Variants in ADGRA3 observed in about 807,000 individuals in gnomAD.
ADGRA3 encodes the protein adhesion G protein-coupled receptor A3.
Under a neutral mutation model 119.8 loss-of-function variants are expected in ADGRA3, and 56 were observed. The observed-to-expected ratio is 0.47, with a 90% CI of 0.38 to 0.58. ADGRA3 has a LOEUF of 0.58. Ranked by LOEUF, ADGRA3 falls within the 20% of genes least tolerant of loss-of-function variation. The pLI is 0.00. For synonymous variants in ADGRA3, 607 were observed against 623.8 expected (o/e 0.97, Z 0.40); for missense variants, 1,516 against 1,649.0 (o/e 0.92, Z 1.40).
At chr4:22,513,392 G>A (rs1338009636) in intron 1 of ADGRA3, among the ~76,000 whole-genome samples, 1 of 151,930 alleles carries the variant, frequency 6.6e-6, no homozygotes, top group Non-Finnish European at 1.5e-5. Flanking sequence ...CTGACCTCAG[G>A]TGATCCACCC....
At chr4:22,510,586 T>C (rs981462507) in intron 1 of ADGRA3, among the ~76,000 whole-genome samples, 2 of 152,020 alleles carry the variant, frequency 1.3e-5, no homozygotes, top group East Asian at 1.9e-4. Flanking sequence ...AAATACCACA[T>C]ACGGGCCGGG....
At chr4:22,430,784 TC>T (rs1027738151) in intron 10 of ADGRA3, among the ~76,000 whole-genome samples, 2 of 114,994 alleles carry the variant, frequency 1.7e-5, no homozygotes, top group African/African-American at 3.0e-5. Flanking sequence ...TCAGAGGTCT[TC>T]ACCGCAGCCC....
At chr4:22,491,281 T>C (rs925179419) in intron 1 of ADGRA3, among the ~76,000 whole-genome samples, 15 of 152,178 alleles carry the variant, frequency 9.9e-5, no homozygotes, top group African/African-American at 3.6e-4. Flanking sequence ...GGCAAATACT[T>C]TGGGCTTTGC....
rs145769392 is a variant in ADGRA3, at chr4:22,480,582, A to G, written c.258-6739T>C. 2.3e-4 allele frequency among the ~76,000 whole-genome samples: 35 copies of G among 152,274 alleles called. 1 individual carries two copies. In the East Asian group the frequency reaches 6.0e-3, roughly 26 times the overall value. ...GTAAAAGTATAAACATATATACACT[A>G]TTTCATCCATTTATTCCTCTTCTAA... On this transcript the variant is annotated intron_variant, in intron 1 of 18. Coordinates refer to ENST00000334304, the MANE Select transcript of ADGRA3 (RefSeq NM_145290.4).
intron 1 of ADGRA3, among the ~76,000 whole-genome samples, chr4:22,483,552 C>T (rs1299138443): frequency 6.6e-6 from 1 of 152,106 alleles, no homozygotes; most frequent in Non-Finnish European, 1.5e-5. Context: ...TAAAAGTGTC[C>T]TAAGATACTT....
chr4:22,499,129 G>A (rs1718958880), intron 1 of ADGRA3, among the ~76,000 whole-genome samples: 1 of 152,122 alleles, frequency 6.6e-6, no homozygotes, highest in African/African-American at 2.4e-5. Flanking sequence ...CCCCGAACAA[G>A]TAAACAACCC....
At position 22,473,831 on chromosome 4, in the gene ADGRA3, G is replaced by T. The variant is rs1360352632; in HGVS notation, c.270C>A (p.Asn90Lys). 6.2e-7 allele frequency: 1 copy of T among 1,603,180 alleles called. No homozygotes were observed. Among genetic ancestry groups the T allele is most frequent in the Admixed American group, 1.7e-5 (1 of 59,270 alleles). The change falls in exon 2 of 19, where the codon AAC becomes AAA. Residue 90 changes from asparagine (N) to lysine (K), a missense_variant. Asn to Lys is a moderately conservative substitution (Grantham distance 94). Around this residue, in one of 2 missense-constraint regions of ADGRA3, gnomAD observed 428 missense variants for 541.9 expected, o/e 0.79. Transcript: ENST00000334304. ...CATTCTTCAGCTCGGATATCTTATT[G>T]TTACTCAGAATCCTAAAAAATACCA... is the stretch of plus-strand genomic sequence containing the variant. Reference protein sequence around the residue: ...PNRTVTLILSNNKISELKNGS... With the variant: ...PNRTVTLILSKNKISELKNGS...
chr4:22,447,424 A>G lies in ADGRA3; in HGVS notation c.545+16T>C. 6.9e-7 allele frequency: 1 copy of G among 1,450,658 alleles called. No individual in the cohort carries two copies. Among genetic ancestry groups the G allele is most frequent in the Non-Finnish European group, 9.3e-7 (1 of 1,073,694 alleles). The allele number at this position is 1,450,658 out of a possible 1,614,324, so 89.9% of individuals were successfully genotyped here. On this transcript the variant is annotated intron_variant, in intron 5 of 18. Transcript: ENST00000334304. ...GAAAATCAAAAAAAAAAAGAGAGAA[A>G]AAAATTCTTACTTACAAAGACCGTA...
In ADGRA3 at chr4:22,425,426, T is replaced by C. The variant is rs141768929; in HGVS notation, c.1444-1074A>G. Reference sequence around the variant, plus strand: ...GAAAAGTCAACCAACTATTGTTTACTATAACTCATACGTCTCACCTGAGAG... The same window carrying C: ...GAAAAGTCAACCAACTATTGTTTACCATAACTCATACGTCTCACCTGAGAG... On this transcript the variant is annotated intron_variant, in intron 10 of 18. Transcript: ENST00000334304. Among the ~76,000 whole-genome samples the C allele has an allele frequency of 2.0e-4, 30 of 152,346 alleles. No homozygotes were observed. The East Asian group carries it at 5.2e-3, about 27-fold the overall frequency.
At chr4:22,497,231 G>A (rs1718861256) in intron 1 of ADGRA3, among the ~76,000 whole-genome samples, 2 of 151,906 alleles carry the variant, frequency 1.3e-5, no homozygotes, top group Admixed American at 6.6e-5. Context: ...ATGCAGGCAA[G>A]AAAAATAACA....
chr4:22,503,178 A>G (rs757629460), intron 1 of ADGRA3, among the ~76,000 whole-genome samples: 15 of 152,216 alleles, frequency 9.9e-5, no homozygotes, highest in Non-Finnish European at 2.1e-4. Flanking sequence ...AAGACTTTAG[A>G]ATTCTAACTG....
At chr4:22,514,919 A>T (rs1719586876) in intron 1 of ADGRA3, among the ~76,000 whole-genome samples, 2 of 152,212 alleles carry the variant, frequency 1.3e-5, no homozygotes, top group South Asian at 4.1e-4. Context: ...ATAAGCCCTC[A>T]CAGACACGAA....
intron 4 of ADGRA3, among the ~76,000 whole-genome samples, chr4:22,449,269 C>T (rs78056843): frequency 8.2e-6 from 1 of 122,190 alleles, no homozygotes. Context: ...GACCCCGTCT[C>T]AAAAAAAAAA....
rs560603464 is a variant in ADGRA3, at chr4:22,479,636, C to T, written c.258-5793G>A. On this transcript the variant is annotated intron_variant, in intron 1 of 18. Coordinates refer to ENST00000334304, the MANE Select transcript of ADGRA3 (RefSeq NM_145290.4). ...AGAAATATCATTTGACCCAGCAATC[C>T]CATTACTGGGTATATACCCAAAGAA... Among the ~76,000 whole-genome samples the T allele has an allele frequency of 9.2e-5, 14 of 152,196 alleles. No homozygotes were observed. In the South Asian group the frequency reaches 2.9e-3, roughly 32 times the overall value.
At chr4:22,409,447 A>T (rs985866572) in intron 14 of ADGRA3, among the ~76,000 whole-genome samples, 1 of 152,226 alleles carries the variant, frequency 6.6e-6, no homozygotes, top group Non-Finnish European at 1.5e-5. Flanking sequence ...TTATTAACAC[A>T]GATCCCAAAA....
chr4:22,414,062 T>C (rs751592495), intron 12 of ADGRA3: 3 of 345,894 alleles, frequency 8.7e-6, no homozygotes, highest in Non-Finnish European at 1.0e-5. Flanking sequence ...AAGAAAAGTG[T>C]TTCAAATTAA....
Position 22,401,475 on chromosome 4 carries a change from C to A in ADGRA3, c.2437G>T (p.Val813Leu), listed in dbSNP as rs751897365. 1.9e-6 allele frequency: 3 copies of A among 1,612,248 alleles called. No individual in the cohort carries two copies. The highest frequency in any genetic ancestry group is 1.7e-5 in the Admixed American group (1 of 59,844). ...FHIFLTCVVF[V>L]GGITQTRNAS... is the part of the protein sequence containing the mutation. ...TTCCTAGTCTGGGTTATTCCTCCCA[C>A]AAAGACCACACAGGTTAGGAAAATA... The change falls in exon 16 of 19, where the codon GTG becomes TTG. Residue 813 changes from valine (V) to leucine (L), a missense_variant. Val to Leu is a conservative substitution (Grantham distance 32). Coordinates refer to ENST00000334304, the MANE Select transcript of ADGRA3 (RefSeq NM_145290.4).
In ADGRA3 at chr4:22,387,782, G is replaced by A. The variant is rs1201674630; in HGVS notation, c.3889C>T (p.Gln1297Ter). Residue 1297 changes from glutamine to a stop codon, truncating the protein, a stop_gained, in exon 19 of 19, where the codon CAG (glutamine) becomes TAG (stop). Transcript: ENST00000334304. LOFTEE classifies it high-confidence loss of function. ...IQNGPIKSNGQEGPLLGTDST... is the reference protein window; with the variant it reads ...IQNGPIKSNG ...TCGGTACCGAGCAAGGGTCCCTCCT[G>A]CCCATTGCTTTTAATTGGTCCATTC... The A allele has an allele frequency of 6.2e-7, 1 of 1,614,088 alleles. No individual in the cohort carries two copies. The highest frequency in any genetic ancestry group is 1.3e-5 in the African/African-American group (1 of 75,038).
intron 10 of ADGRA3, among the ~76,000 whole-genome samples, chr4:22,430,228 G>GT (rs1441227227): frequency 2.6e-5 from 4 of 152,094 alleles, no homozygotes; most frequent in Admixed American, 1.3e-4. Context: ...CAGTAAATTG[G>GT]TACCAATAGA....
Sources: gnomAD v4.1 joint callset for allele counts (sites outside exome capture counted in the v4.1 genomes callset) on GRCh38, gnomAD v4.1.1 for gene constraint, gnomAD v4.1.1 regional missense constraint, MANE v1.5 for transcripts, NCBI Gene and HGNC (gene_info 2026-07-23, HGNC 2026-07-21) for gene names.